Variants in CTBP1 observed in about 807,000 individuals in gnomAD.
CTBP1 encodes C-terminal binding protein 1, also known as C-terminal-binding protein 1.
Under a neutral mutation model 42.1 loss-of-function variants are expected in CTBP1, and 11 were observed. The ratio of observed to expected loss-of-function variants is 0.26; its 90% confidence interval spans 0.16 to 0.43. The LOEUF (loss-of-function observed/expected upper bound fraction) is 0.43. CTBP1 is among the 20% of genes least tolerant of loss of function. The probability of loss-of-function intolerance (pLI) is 1.00; values close to 1 mark genes in which losing one functional copy is unlikely to be tolerated. For missense variants in CTBP1, 399 were observed against 624.3 expected, an observed-to-expected ratio of 0.64 and a Z score of 3.85; for synonymous variants, 324 against 277.1, an observed-to-expected ratio of 1.17 and a Z score of -1.68.
intron 1 of CTBP1, chr4:1,248,701 G>C (rs1291300818): frequency 1.0e-5 from 10 of 981,930 alleles, no homozygotes; most frequent in Non-Finnish European, 1.1e-5. Flanking sequence ...TGCGGCGCTC[G>C]CGCACACGCA....
intron 6 of CTBP1, 110 bp from the exon 7 acceptor site, chr4:1,214,583 C>A: frequency 7.4e-7 from 1 of 1,356,826 alleles, no homozygotes; most frequent in South Asian, 1.5e-5. Context: ...TCCCTAGCCC[C>A]TTCCCAGCCC....
chr4:1,224,205 T>C (rs897590131), intron 5 of CTBP1, among the ~76,000 whole-genome samples: 7 of 152,318 alleles, frequency 4.6e-5, no homozygotes, highest in Admixed American at 3.9e-4. Flanking sequence ...TGTGTGTCCA[T>C]GTGAGGTCAT....
chr4:1,214,191 C>T (rs1341111233), intron 7 of CTBP1, 152 bp downstream of exon 7: 1 of 1,042,060 alleles, frequency 9.6e-7, no homozygotes, highest in African/African-American at 1.7e-5. Flanking sequence ...CCATCCTCAC[C>T]CCGCAGCGGG....
chr4:1,225,560 G>C lies in CTBP1; in HGVS notation c.314C>G (p.Ala105Gly). ...AGACGCCGCGGGCACGTTGCAGACG[G>C]CAATGCCTGTGGGGACAAGGACACG... Reference protein sequence around the residue: ...DIKSAGDLGIAVCNVPAASVE... With the variant: ...DIKSAGDLGIGVCNVPAASVE... The change falls in exon 5 of 10, where the codon GCC becomes GGC. Residue 105 changes from alanine (A) to glycine (G), a missense_variant. By Grantham distance (60) the Ala-to-Gly change is moderately conservative. This residue lies in a region of CTBP1 where 309 missense variants were observed against 497.5 expected (regional missense o/e 0.62). Transcript: ENST00000382952. The C allele has an allele frequency of 6.5e-7, 1 of 1,540,332 alleles. No individual in the cohort carries two copies. Among genetic ancestry groups the C allele is most frequent in the Non-Finnish European group, 8.7e-7 (1 of 1,146,402 alleles).
intron 5 of CTBP1, among the ~76,000 whole-genome samples, chr4:1,219,243 T>C (rs1471829366): frequency 1.3e-5 from 2 of 152,068 alleles, no homozygotes; most frequent in Admixed American, 6.5e-5. Flanking sequence ...TCCTAACTAC[T>C]TCGGAGGCTA....
At chr4:1,245,428 C>T (rs1732615969) in intron 1 of CTBP1, 1 of 985,306 alleles carries the variant, frequency 1.0e-6, no homozygotes, top group Non-Finnish European at 1.2e-6. Context: ...ACCTTCCTCC[C>T]CTTCCCAACA....
chr4:1,212,958 A>C lies in CTBP1; in HGVS notation c.1061T>G (p.Met354Arg). 2 of 1,613,858 alleles carry C rather than the reference A, an allele frequency of 1.2e-6. No homozygotes were observed. Among genetic ancestry groups the C allele is most frequent in the Non-Finnish European group, 1.7e-6 (2 of 1,179,998 alleles). Residue 354 changes from methionine (M) to arginine (R), a missense_variant, in exon 9 of 10, where the codon ATG becomes AGG. Met to Arg is a moderately conservative substitution (Grantham distance 91). Transcript: ENST00000382952. The part of the protein sequence containing the change: ...HLTAATHWAS[M>R]DPAVVHPELN... Reference sequence around the variant, plus strand: ...CTCAGGGTGCACGACGGCGGGGTCCATGCTGGCCCAGTGGGTGGCGGCTGT... The same window carrying C: ...CTCAGGGTGCACGACGGCGGGGTCCCTGCTGGCCCAGTGGGTGGCGGCTGT...
Position 1,227,887 on chromosome 4 carries a change from G to A in CTBP1, c.307+312C>T, listed in dbSNP as rs1008548083. 4.6e-5 allele frequency among the ~76,000 whole-genome samples: 7 copies of A among 152,304 alleles called. No individual in the cohort carries two copies. The East Asian group carries it at 1.2e-3, about 25-fold the overall frequency. On this transcript the variant is annotated intron_variant, in intron 4 of 9. Coordinates refer to ENST00000382952, the MANE Select transcript of CTBP1 (RefSeq NM_001012614.2). ...AGCCCTATTACAGCCATACACTGAC[G>A]GCCCTGCCCTCACCCCCAGGGTCCC...
At chr4:1,221,208 C>CCA (rs1244178253) in intron 5 of CTBP1, among the ~76,000 whole-genome samples, 1 of 152,254 alleles carries the variant, frequency 6.6e-6, no homozygotes, top group Non-Finnish European at 1.5e-5. Flanking sequence ...AGGTGCTCAG[C>CCA]CTCCTCACTT....
chr4:1,225,505 G>A lies in CTBP1; in HGVS notation c.369C>T (p.Cys123=). ...CCCGCCGGTACAGGTTCAGGATGTG[G>A]CACAGCGTCGAGTCGGCCGTCTCCT... ...SVEETADSTL[C]HILNLYRRAT... The change falls in exon 5 of 10, where the codon TGC becomes TGT. Residue 123 remains cysteine, a synonymous_variant. Coordinates refer to ENST00000382952, the MANE Select transcript of CTBP1 (RefSeq NM_001012614.2). The A allele has an allele frequency of 6.5e-7, 1 of 1,545,518 alleles. No individual in the cohort carries two copies. Among genetic ancestry groups the A allele is most frequent in the Non-Finnish European group, 8.7e-7 (1 of 1,146,830 alleles).
Position 1,228,281 on chromosome 4 carries a change from C to T in CTBP1, c.225G>A (p.Leu75=). The T allele has an allele frequency of 1.2e-6, 2 of 1,614,182 alleles. No homozygotes were observed. The highest frequency in any genetic ancestry group is 1.7e-6 in the Non-Finnish European group (2 of 1,180,002). Residue 75 remains leucine, a synonymous_variant, in exon 4 of 10, where the codon CTG becomes CTA. Transcript: ENST00000382952. ...YHTITLTRED[L]EKFKALRIIV... ...TGATGCGGAGGGCTTTGAACTTCTC[C>T]AGGTCCTCCCTGGTGAGAGTGATGG... is the stretch of plus-strand genomic sequence containing the variant.
intron 5 of CTBP1, among the ~76,000 whole-genome samples, chr4:1,222,492 G>A (rs1729853373): frequency 6.6e-6 from 1 of 152,140 alleles, no homozygotes; most frequent in African/African-American, 2.4e-5. Flanking sequence ...GACGACCTGG[G>A]CCAGTGCAGG....
intron 5 of CTBP1, among the ~76,000 whole-genome samples, chr4:1,222,904 A>T (rs1321669797): frequency 6.6e-6 from 1 of 151,490 alleles, no homozygotes; most frequent in Non-Finnish European, 1.5e-5. Flanking sequence ...GGGGAACTAC[A>T]GACATCCCTG....
upstream of CTBP1, chr4:1,249,370 C>G (rs868049528): frequency 3.3e-5 from 5 of 151,404 alleles, no homozygotes; most frequent in South Asian, 7.8e-4. Flanking sequence ...AGGGTCGGGC[C>G]GGACTCAGCG....
At chr4:1,229,356 G>A (rs1730724362) in intron 3 of CTBP1, among the ~76,000 whole-genome samples, 1 of 152,368 alleles carries the variant, frequency 6.6e-6, no homozygotes, top group Admixed American at 6.5e-5. Context: ...CCACCCACGG[G>A]TGCAGAGATG....
At chr4:1,213,667 G>A (rs531578077) in intron 7 of CTBP1, 62 bp from the exon 8 acceptor site, 1 of 1,570,730 alleles carries the variant, frequency 6.4e-7, no homozygotes. Context: ...CGGAGGGGAG[G>A]TGGCTGGGCA....
chr4:1,216,051 G>A lies in CTBP1; in HGVS notation c.669C>T (p.Thr223=). 1 of 1,611,720 alleles carries A rather than the reference G, an allele frequency of 6.2e-7. No individual in the cohort carries two copies. The highest frequency in any genetic ancestry group is 8.5e-7 in the Non-Finnish European group (1 of 1,179,904). Residue 223 remains threonine (T), a synonymous_variant, in exon 6 of 10, where the codon ACC becomes ACT. Coordinates refer to ENST00000382952, the MANE Select transcript of CTBP1 (RefSeq NM_001012614.2). The stretch of plus-strand genomic sequence containing the variant: ...TGTGCTCGTTGAGGCCGCAGTGCAG[G>A]GTCACGCAGTCGCTGTGGAAGAGCA... ...QDLLFHSDCV[T]LHCGLNEHNH... is the part of the protein sequence containing the mutation.
At chr4:1,225,901 C>T (rs997954339) in intron 4 of CTBP1, among the ~76,000 whole-genome samples, 3 of 151,854 alleles carry the variant, frequency 2.0e-5, no homozygotes, top group East Asian at 1.9e-4. Context: ...CGTGTCTCCC[C>T]GCGTCACCTC....
At position 1,233,364 on chromosome 4, in the gene CTBP1, T is replaced by C. The variant is rs1731160808; in HGVS notation, c.162+4819A>G. 6.6e-6 allele frequency: 1 copy of C among 152,322 alleles called. No individual in the cohort carries two copies. Among genetic ancestry groups the C allele is most frequent in the South Asian group, 2.1e-4 (1 of 4,834 alleles). 9.4% of individuals were successfully genotyped at this position (152,322 alleles called of 1,614,324 possible). A position where few individuals can be genotyped will look rare whatever the true frequency, so the allele number is the denominator to read the frequency against. The stretch of plus-strand genomic sequence containing the variant: ...AGCACCTCTGTCTGGCGGAGCTTTC[T>C]GGTGGCCTCCCCACCCCCAAGGCGT... On this transcript the variant is annotated intron_variant, in intron 3 of 9. Coordinates refer to ENST00000382952, the MANE Select transcript of CTBP1 (RefSeq NM_001012614.2). This position sits in a 1 kb window ranked among gnomAD's most constrained non-coding sequence, Gnocchi z 4.6.
Sources: gnomAD v4.1 joint callset for allele counts (sites outside exome capture counted in the v4.1 genomes callset) on GRCh38, gnomAD v4.1.1 for gene constraint, gnomAD v4.1.1 regional missense constraint, Gnocchi (gnomAD v3.1) non-coding constraint, MANE v1.5 for transcripts, NCBI Gene and HGNC (gene_info 2026-07-23, HGNC 2026-07-21) for gene names.